Variants in RAB9B observed in about 807,000 individuals in gnomAD.
The protein encoded by RAB9B is ras-related protein Rab-9B.
RAB9B carries 1 observed loss-of-function variant against 8.9 expected under a neutral mutation model. The ratio of observed to expected loss-of-function variants is 0.11; its 90% confidence interval spans 0.04 to 0.53. RAB9B has a LOEUF of 0.53. Ranked by LOEUF, RAB9B falls within the 20% of genes least tolerant of loss-of-function variation. The probability of loss-of-function intolerance (pLI) is 0.93; values close to 1 mark genes in which losing one functional copy is unlikely to be tolerated. For synonymous variants in RAB9B, 63 were observed against 57.0 expected (o/e 1.10, Z -0.47); for missense variants, 82 against 152.9 (o/e 0.54, Z 2.45).
At chrX:103,830,517 C>T (rs965554607) in intron 1 of RAB9B, among the ~76,000 whole-genome samples, 17 of 111,974 alleles carry the variant, frequency 1.5e-4, no homozygotes, top group African/African-American at 5.5e-4. Flanking sequence ...AAAGATCTGA[C>T]TCTAACTGAG....
At chrX:103,800,196 T>C in the RAB9B span, among the ~76,000 whole-genome samples, 1 of 111,118 alleles carries the variant, frequency 9.0e-6, no homozygotes, top group Non-Finnish European at 1.9e-5. Context: ...ATACTATATT[T>C]ATCCAGAAGG....
chrX:103,803,811 C>G, the RAB9B span, among the ~76,000 whole-genome samples: 1 of 112,237 alleles, frequency 8.9e-6, no homozygotes, highest in African/African-American at 3.2e-5. Flanking sequence ...CTCCTCATCT[C>G]GTGATCCACC....
At chrX:103,799,913 C>T in the RAB9B span, among the ~76,000 whole-genome samples, 1 of 111,556 alleles carries the variant, frequency 9.0e-6, no homozygotes, top group Non-Finnish European at 1.9e-5. Context: ...TGCAGCAACA[C>T]CTGCATTTTC....
the RAB9B span, among the ~76,000 whole-genome samples, chrX:103,816,512 T>C: frequency 3.6e-5 from 4 of 111,786 alleles, no homozygotes; most frequent in Non-Finnish European, 7.5e-5. Flanking sequence ...ATTCAGGACA[T>C]AGGCATGGGC....
chrX:103,782,591 C>T, the RAB9B span, among the ~76,000 whole-genome samples: 2 of 111,899 alleles, frequency 1.8e-5, no homozygotes, highest in South Asian at 7.5e-4. Flanking sequence ...CATCACCTAA[C>T]GCTTAAAGTG....
chrX:103,817,293 A>G, the RAB9B span, among the ~76,000 whole-genome samples: 1 of 111,347 alleles, frequency 9.0e-6, no homozygotes, highest in Non-Finnish European at 1.9e-5. Flanking sequence ...ACATGGATGA[A>G]GCTGGAAACT....
chrX:103,797,993 A>G, the RAB9B span, among the ~76,000 whole-genome samples: 2 of 111,231 alleles, frequency 1.8e-5, no homozygotes, highest in Non-Finnish European at 3.8e-5. Context: ...GTCTTAGAAC[A>G]AGGAGCATCA....
rs188463807 is a variant in RAB9B, at chrX:103,824,278, T to C, written c.*901A>G. The C allele has an allele frequency of 3.5e-4, 39 of 112,476 alleles. No homozygotes were observed. The highest frequency in any genetic ancestry group is 3.1e-3 in the Admixed American group (33 of 10,600). The allele number at this position is 112,476 out of a possible 1,213,427, so 9.3% of individuals were successfully genotyped here. A position where few individuals can be genotyped will look rare whatever the true frequency, so the allele number is the denominator to read the frequency against. ...AAGTTCATTATCCCCCAATCTTTTA[T>C]GAAGCCTTCTCCATGAGCCCAGCAT... On this transcript the variant is annotated 3_prime_UTR_variant, in exon 3 of 3. Transcript: ENST00000243298.
the RAB9B span, among the ~76,000 whole-genome samples, chrX:103,805,895 C>T: frequency 9.0e-6 from 1 of 111,044 alleles, no homozygotes; most frequent in African/African-American, 3.3e-5. Context: ...TTGATTTTCT[C>T]TATTGCTTTT....
At chrX:103,813,156 T>C in the RAB9B span, among the ~76,000 whole-genome samples, 220 of 109,807 alleles carry the variant, frequency 2.0e-3, 2 homozygotes, top group East Asian at 0.023. Flanking sequence ...CTCCTCATCT[T>C]GTGATCTGCC....
chrX:103,787,280 C>T, the RAB9B span, among the ~76,000 whole-genome samples: 3 of 111,760 alleles, frequency 2.7e-5, no homozygotes, highest in African/African-American at 6.5e-5. Context: ...CATTTGTTTT[C>T]AGTCTCTGGA....
chrX:103,788,374 AG>A, the RAB9B span: 4 of 808,042 alleles, frequency 5.0e-6, no homozygotes, highest in African/African-American at 8.0e-5. Context: ...TCTGGGGGAA[AG>A]TCTCCATGTG....
In RAB9B at chrX:103,822,783, A is replaced by G. The variant is rs2074666831; in HGVS notation, c.*2396T>C. 9.0e-6 allele frequency: 1 copy of G among 111,322 alleles called. No homozygotes were observed. Among genetic ancestry groups the G allele is most frequent in the Admixed American group, 9.6e-5 (1 of 10,417 alleles). The allele number at this position is 111,322 out of a possible 1,213,427, so 9.2% of individuals were successfully genotyped here. ...TCAGCCTTTGGTGTTTTTTAATCTT[A>G]CCCAAACTGTATGTCAGCACCCCAC... On this transcript the variant is annotated 3_prime_UTR_variant, in exon 3 of 3. Transcript: ENST00000243298.
chrX:103,798,362 C>A, the RAB9B span, among the ~76,000 whole-genome samples: 1 of 111,640 alleles, frequency 9.0e-6, no homozygotes, highest in African/African-American at 3.3e-5. Context: ...TTAGTGAGAA[C>A]AATGTGACTG....
At chrX:103,831,463 T>C (rs1000328400) in intron 1 of RAB9B, among the ~76,000 whole-genome samples, 5 of 100,979 alleles carry the variant, frequency 5.0e-5, no homozygotes, top group African/African-American at 1.8e-4. Context: ...GTCCCACATC[T>C]AACCTTTCAC....
chrX:103,780,122 A>G, the RAB9B span: 1 of 113,076 alleles, frequency 8.8e-6, no homozygotes, highest in Non-Finnish European at 1.9e-5. Context: ...CCTGAGGGCT[A>G]TCTCTCAGCT....
chrX:103,800,709 C>G, the RAB9B span, among the ~76,000 whole-genome samples: 1 of 111,800 alleles, frequency 8.9e-6, no homozygotes, highest in Non-Finnish European at 1.9e-5. Flanking sequence ...GCGTGAGAGA[C>G]CTTGTCTGGC....
chrX:103,795,785 G>A, the RAB9B span, among the ~76,000 whole-genome samples: 3 of 111,970 alleles, frequency 2.7e-5, no homozygotes, highest in Non-Finnish European at 5.6e-5. Context: ...TATCCTATAC[G>A]CAGATGATAT....
At chrX:103,813,238 A>C in the RAB9B span, among the ~76,000 whole-genome samples, 1 of 110,487 alleles carries the variant, frequency 9.1e-6, no homozygotes, top group Non-Finnish European at 1.9e-5. Flanking sequence ...TATTGTCTAT[A>C]AAAAGAAGGG....
Sources: gnomAD v4.1 joint callset for allele counts (sites outside exome capture counted in the v4.1 genomes callset) on GRCh38, gnomAD v4.1.1 for gene constraint, MANE v1.5 for transcripts, NCBI Gene and HGNC (gene_info 2026-07-23, HGNC 2026-07-21) for gene names.